LGSN: variants seen among roughly 807,000 people sequenced by gnomAD.
The protein encoded by LGSN is lengsin, lens protein with glutamine synthetase domain.
LGSN carries 21 observed loss-of-function variants against 19.5 expected under a neutral mutation model. The ratio of observed to expected loss-of-function variants is 1.07; its 90% CI spans 0.76 to 1.55. LGSN has a LOEUF of 1.55. Among genes scored for constraint, LGSN ranks in the 40% most tolerant of loss-of-function variants. The probability of loss-of-function intolerance (pLI) is 0.00; values close to 1 mark genes in which losing one functional copy is unlikely to be tolerated. For missense variants in LGSN, 673 were observed against 608.5 expected, an observed-to-expected ratio of 1.11 and a Z score of -1.12; for synonymous variants, 257 against 215.6, an observed-to-expected ratio of 1.19 and a Z score of -1.68.
chr6:63,484,339 C>A, the LGSN span, among the ~76,000 whole-genome samples: 1 of 151,948 alleles, frequency 6.6e-6, no homozygotes, highest in Non-Finnish European at 1.5e-5. Flanking sequence ...CTGTCAAAAC[C>A]CTGTCTCTAC....
At chr6:63,476,513 C>G in the LGSN span, among the ~76,000 whole-genome samples, 6 of 152,066 alleles carry the variant, frequency 3.9e-5, no homozygotes, top group Non-Finnish European at 7.3e-5. Context: ...CATTTGAAGG[C>G]TCAGCTGGAC....
At chr6:63,470,300 T>A in the LGSN span, among the ~76,000 whole-genome samples, 1 of 151,556 alleles carries the variant, frequency 6.6e-6, no homozygotes. Context: ...AAACCCCGTC[T>A]CTACTAAAAA....
chr6:63,366,249 T>C, the LGSN span, among the ~76,000 whole-genome samples: 1 of 152,190 alleles, frequency 6.6e-6, no homozygotes, highest in East Asian at 1.9e-4. Context: ...AGTCTCAGCA[T>C]ACAAAATCAA....
the LGSN span, among the ~76,000 whole-genome samples, chr6:63,368,566 C>T: frequency 6.6e-6 from 1 of 152,218 alleles, no homozygotes; most frequent in East Asian, 1.9e-4. Context: ...CCGGTAACAC[C>T]GTTTAAAATT....
the LGSN span, among the ~76,000 whole-genome samples, chr6:63,573,055 G>C: frequency 6.6e-6 from 1 of 151,970 alleles, no homozygotes; most frequent in Non-Finnish European, 1.5e-5. Context: ...GCAGCGGGCC[G>C]GGTGGGTGGC....
chr6:63,554,937 T>C, the LGSN span, among the ~76,000 whole-genome samples: 2 of 152,208 alleles, frequency 1.3e-5, no homozygotes, highest in Non-Finnish European at 2.9e-5. Context: ...GTTAGAATCA[T>C]ACAAAGAGAC....
the LGSN span, among the ~76,000 whole-genome samples, chr6:63,556,234 A>G: frequency 6.6e-6 from 1 of 151,256 alleles, no homozygotes; most frequent in South Asian, 2.1e-4. Flanking sequence ...ATCACAGCTC[A>G]CTGCAGCTCT....
chr6:63,332,757 G>A, the LGSN span, among the ~76,000 whole-genome samples: 1 of 152,242 alleles, frequency 6.6e-6, no homozygotes, highest in Non-Finnish European at 1.5e-5. Context: ...GGTGATAGGT[G>A]ATGGTCTCAT....
the LGSN span, chr6:63,397,169 C>T: frequency 6.6e-6 from 1 of 152,220 alleles, no homozygotes; most frequent in South Asian, 2.1e-4. Context: ...TTTCAGAGCT[C>T]AATCCTCTTA....
the LGSN span, among the ~76,000 whole-genome samples, chr6:63,359,325 T>G: frequency 6.6e-6 from 1 of 152,186 alleles, no homozygotes; most frequent in Non-Finnish European, 1.5e-5. Context: ...CCAGCTTTGG[T>G]ATCAGGAAGA....
the LGSN span, among the ~76,000 whole-genome samples, chr6:63,399,102 T>C: frequency 6.6e-6 from 1 of 151,920 alleles, no homozygotes; most frequent in Non-Finnish European, 1.5e-5. Context: ...TTATCGCACG[T>C]GGCCTCATTT....
At chr6:63,502,272 T>C in the LGSN span, among the ~76,000 whole-genome samples, 2 of 152,208 alleles carry the variant, frequency 1.3e-5, no homozygotes, top group African/African-American at 2.4e-5. Flanking sequence ...GTGTTGTCTC[T>C]TCTGAGAAAA....
At position 63,279,934 on chromosome 6, in the gene LGSN, T is replaced by A; in HGVS notation, c.*87A>T. ...CGTAATCTTGTTATTGTTGCTGTTG[T>A]TAATTACAAAAGTTCAGTCTTTTTG... On this transcript the variant is annotated 3_prime_UTR_variant, in exon 4 of 4. Coordinates refer to ENST00000370657, the MANE Select transcript of LGSN (RefSeq NM_016571.3). The A allele has an allele frequency of 8.0e-7, 1 of 1,245,566 alleles. No homozygotes were observed. Among genetic ancestry groups the A allele is most frequent in the South Asian group, 1.5e-5 (1 of 65,516 alleles). The allele number at this position is 1,245,566 out of a possible 1,614,324, so 77.2% of individuals were successfully genotyped here.
the LGSN span, chr6:63,550,179 G>T: frequency 6.6e-6 from 1 of 152,076 alleles, no homozygotes; most frequent in Admixed American, 6.6e-5. Flanking sequence ...TCAGTGATTG[G>T]TTTTTTAATC....
chr6:63,457,818 G>A, the LGSN span, among the ~76,000 whole-genome samples: 1 of 152,066 alleles, frequency 6.6e-6, no homozygotes. Flanking sequence ...GGCACAGGTT[G>A]CAGTGAGCTG....
intron 3 of LGSN, 92 bp downstream of exon 3, chr6:63,285,495 T>C: frequency 2.0e-6 from 2 of 1,020,818 alleles, no homozygotes; most frequent in Non-Finnish European, 2.9e-6. Context: ...AATTGCTGTA[T>C]AAGATTACAA....
At chr6:63,320,095 C>T (rs879084013), upstream of LGSN, 9 of 631,812 alleles carry the variant, frequency 1.4e-5, no homozygotes, top group South Asian at 1.3e-4. Flanking sequence ...AAAAGATAAA[C>T]ATCAGATTCT....
At chr6:63,365,423 T>C in the LGSN span, among the ~76,000 whole-genome samples, 5 of 151,830 alleles carry the variant, frequency 3.3e-5, no homozygotes, top group African/African-American at 4.9e-5. Context: ...AATAACAGGT[T>C]CTGAAATTGA....
the LGSN span, among the ~76,000 whole-genome samples, chr6:63,438,515 A>T: frequency 6.6e-6 from 1 of 152,140 alleles, no homozygotes; most frequent in Non-Finnish European, 1.5e-5. Flanking sequence ...CAAGAAAAAA[A>T]CAAACAACCC....
Sources: allele counts gnomAD v4.1 joint callset (sites outside exome capture counted in the v4.1 genomes callset), GRCh38; gene constraint gnomAD v4.1.1; transcripts MANE v1.5; gene names NCBI Gene and HGNC (gene_info 2026-07-23, HGNC 2026-07-21).